The following SCHIP1 variants were observed in gnomAD, a reference collection of about 807,000 sequenced individuals.
SCHIP1 encodes schwannomin-interacting protein 1.
In SCHIP1, 8 loss-of-function variants were observed where a neutral mutation model predicts 29.7. The observed-to-expected ratio is 0.27, with a 90% CI of 0.16 to 0.49. SCHIP1 has a LOEUF of 0.49. Among genes scored for constraint, SCHIP1 ranks in the 20% least tolerant of loss-of-function variants. The pLI, the probability that SCHIP1 is intolerant of heterozygous loss-of-function variation, is 0.99. For missense variants in SCHIP1, 193 were observed against 294.6 expected (o/e 0.66, Z 2.52); for synonymous variants, 76 against 94.9 (o/e 0.80, Z 1.16).
At chr3:159,487,723 G>A in the SCHIP1 span, among the ~76,000 whole-genome samples, 4 of 152,112 alleles carry the variant, frequency 2.6e-5, no homozygotes, top group Non-Finnish European at 5.9e-5. Context: ...TAAGAAAAGT[G>A]TCTATTCTTG....
At chr3:159,780,542 A>G in the SCHIP1 span, among the ~76,000 whole-genome samples, 1 of 152,158 alleles carries the variant, frequency 6.6e-6, no homozygotes, top group Non-Finnish European at 1.5e-5. Context: ...TCTGGCCCAA[A>G]CCCCTATACT....
chr3:159,300,113 CTTTTTTTTTTTTT>C, the SCHIP1 span, among the ~76,000 whole-genome samples: 1 of 45,380 alleles, frequency 2.2e-5, no homozygotes, highest in African/African-American at 9.1e-5. Flanking sequence ...GGGAAAGCTG[CTTTTTTTTTTTTT>C]TTTTTTTTTT....
At chr3:159,468,957 G>A in the SCHIP1 span, among the ~76,000 whole-genome samples, 7 of 151,422 alleles carry the variant, frequency 4.6e-5, no homozygotes, top group Admixed American at 2.0e-4. Flanking sequence ...TAGTAAAGAC[G>A]GGGTTTCACC....
chr3:159,704,623 G>A, the SCHIP1 span, among the ~76,000 whole-genome samples: 1 of 151,938 alleles, frequency 6.6e-6, no homozygotes, highest in East Asian at 1.9e-4. Context: ...TTTAATGAAA[G>A]ACTATATATC....
intron 2 of SCHIP1, among the ~76,000 whole-genome samples, chr3:159,868,045 A>G (rs998803894): frequency 2.2e-5 from 3 of 136,536 alleles, no homozygotes; most frequent in Non-Finnish European, 4.9e-5. Context: ...ATACACACAC[A>G]TATACCTATG....
chr3:159,541,503 G>A, the SCHIP1 span, among the ~76,000 whole-genome samples: 7 of 151,974 alleles, frequency 4.6e-5, no homozygotes, highest in Non-Finnish European at 8.8e-5. Context: ...TAGATCCACT[G>A]TAGCAAATCC....
chr3:159,342,243 T>C, the SCHIP1 span, among the ~76,000 whole-genome samples: 1 of 152,182 alleles, frequency 6.6e-6, no homozygotes, highest in East Asian at 1.9e-4. Context: ...TAGAACTCTT[T>C]TAAAGAACAG....
the SCHIP1 span, among the ~76,000 whole-genome samples, chr3:159,508,251 C>T: frequency 6.6e-6 from 1 of 152,164 alleles, no homozygotes; most frequent in African/African-American, 2.4e-5. Flanking sequence ...AGTTTATTTG[C>T]GTAGAGATGT....
At chr3:159,495,789 C>T in the SCHIP1 span, among the ~76,000 whole-genome samples, 9 of 152,242 alleles carry the variant, frequency 5.9e-5, no homozygotes, top group East Asian at 7.7e-4. Context: ...AAAAACAGCC[C>T]GCATCACCAA....
At chr3:159,582,131 T>A in the SCHIP1 span, among the ~76,000 whole-genome samples, 1 of 152,160 alleles carries the variant, frequency 6.6e-6, no homozygotes, top group East Asian at 1.9e-4. Context: ...TAGGTTTTTT[T>A]TATGTTGTTG....
intron 2 of SCHIP1, among the ~76,000 whole-genome samples, chr3:159,881,927 G>T (rs140853672): frequency 6.6e-6 from 1 of 152,174 alleles, no homozygotes; most frequent in African/African-American, 2.4e-5. Flanking sequence ...GACAACTGCC[G>T]GTTGAGCTCT....
At chr3:159,570,368 G>C in the SCHIP1 span, among the ~76,000 whole-genome samples, 16 of 152,274 alleles carry the variant, frequency 1.1e-4, no homozygotes, top group East Asian at 3.1e-3. Context: ...CATATGGCTA[G>C]CCAGTTTTCC....
intron 1 of SCHIP1, among the ~76,000 whole-genome samples, chr3:159,854,461 C>T (rs1175207359): frequency 6.6e-6 from 1 of 152,178 alleles, no homozygotes; most frequent in Non-Finnish European, 1.5e-5. Context: ...TGTTCTTTCT[C>T]CACAAGCTGA....
chr3:159,531,804 T>C, the SCHIP1 span, among the ~76,000 whole-genome samples: 1,476 of 152,306 alleles, frequency 9.7e-3, 27 homozygotes, highest in African/African-American at 0.034. Context: ...TCTTAGAAAT[T>C]GTTTGCCCCA....
the SCHIP1 span, among the ~76,000 whole-genome samples, chr3:159,398,608 T>A: frequency 2.1e-4 from 32 of 152,118 alleles, no homozygotes; most frequent in Non-Finnish European, 3.2e-4. Flanking sequence ...TCTTTGCAGG[T>A]GATTTGATCT....
the SCHIP1 span, among the ~76,000 whole-genome samples, chr3:159,569,024 A>G: frequency 2.6e-5 from 4 of 152,156 alleles, no homozygotes; most frequent in African/African-American, 9.7e-5. Flanking sequence ...TTTACCTAAT[A>G]ATTTACCAAC....
chr3:159,728,253 C>T, the SCHIP1 span, among the ~76,000 whole-genome samples: 1 of 152,102 alleles, frequency 6.6e-6, no homozygotes, highest in Non-Finnish European at 1.5e-5. Flanking sequence ...GGGATAAAGA[C>T]TAAGGAAGTG....
the SCHIP1 span, among the ~76,000 whole-genome samples, chr3:159,542,618 T>C: frequency 3.9e-5 from 6 of 152,164 alleles, no homozygotes; most frequent in Middle Eastern, 3.4e-3. Flanking sequence ...CTGGGCCCTC[T>C]GTTGAAAGGA....
the SCHIP1 span, among the ~76,000 whole-genome samples, chr3:159,337,731 G>A: frequency 6.6e-6 from 1 of 152,092 alleles, no homozygotes; most frequent in African/African-American, 2.4e-5. Context: ...GTTCCACCAA[G>A]AAATCTTTGA....
Sources: gnomAD v4.1 joint callset for allele counts (sites outside exome capture counted in the v4.1 genomes callset) on GRCh38, gnomAD v4.1.1 for gene constraint, MANE v1.5 for transcripts, NCBI Gene and HGNC (gene_info 2026-07-23, HGNC 2026-07-21) for gene names.